ADGRL3: variants seen among roughly 807,000 people sequenced by gnomAD.
The protein encoded by ADGRL3 is adhesion G protein-coupled receptor L3.
A neutral mutation model predicts 153.5 loss-of-function variants in ADGRL3; 62 were observed. That is an observed-to-expected ratio of 0.40 (90% CI 0.33 to 0.50). The LOEUF (loss-of-function observed/expected upper bound fraction) is 0.50. Among genes scored for constraint, ADGRL3 ranks in the 20% least tolerant of loss-of-function variants. The pLI, the probability that ADGRL3 is intolerant of heterozygous loss-of-function variation, is 0.47. For synonymous variants in ADGRL3, 710 were observed against 672.5 expected (o/e 1.06, Z -0.86); for missense variants, 1,641 against 1,859.4 (o/e 0.88, Z 2.16).
intron 5 of ADGRL3, among the ~76,000 whole-genome samples, chr4:61,595,876 C>T (rs1219392471): frequency 6.6e-6 from 1 of 152,168 alleles, no homozygotes; most frequent in Non-Finnish European, 1.5e-5. Flanking sequence ...GGTCCAAATG[C>T]TCCCTTCTTG....
intron 8 of ADGRL3, among the ~76,000 whole-genome samples, chr4:61,749,101 A>G (rs2096715669): frequency 6.6e-6 from 1 of 152,140 alleles, no homozygotes; most frequent in Non-Finnish European, 1.5e-5. Flanking sequence ...CAAAAAACAC[A>G]TGAAAAAATG....
chr4:61,362,680 C>T (rs1351563039), intron 1 of ADGRL3, among the ~76,000 whole-genome samples: 1 of 152,042 alleles, frequency 6.6e-6, no homozygotes, highest in Non-Finnish European at 1.5e-5. Flanking sequence ...TTTTCAGCCT[C>T]GTCTTCACAT....
rs113076463 is a variant in ADGRL3, at chr4:61,227,168, A to T, written c.-240+25403A>T. ...TTGTCTTCATAAAAATGTCTGCAGA[A>T]GATGACTTGGAGGTTTTTTGTCATT... On this transcript the variant is annotated intron_variant, in intron 1 of 26. Coordinates refer to ENST00000683033, the MANE Select transcript of ADGRL3 (RefSeq NM_001387552.1). Among the ~76,000 whole-genome samples the T allele has an allele frequency of 3.0e-4, 45 of 152,324 alleles. 1 individual carries two copies. Among genetic ancestry groups the T allele is most frequent in the African/African-American group, 9.9e-4 (41 of 41,576 alleles).
At chr4:61,925,640 G>T (rs914695023) in intron 13 of ADGRL3, among the ~76,000 whole-genome samples, 1 of 152,080 alleles carries the variant, frequency 6.6e-6, no homozygotes, top group Non-Finnish European at 1.5e-5. Flanking sequence ...GCAAGAGAGA[G>T]AGAGTGGGGT....
chr4:61,997,797 C>T (rs2099126887), intron 20 of ADGRL3, among the ~76,000 whole-genome samples: 1 of 152,242 alleles, frequency 6.6e-6, no homozygotes, highest in Non-Finnish European at 1.5e-5. Context: ...GAAAATGTGT[C>T]ACTAAATAAT....
At chr4:61,591,385 TAC>T (rs796571461) in intron 5 of ADGRL3, among the ~76,000 whole-genome samples, 10 of 152,278 alleles carry the variant, frequency 6.6e-5, no homozygotes, top group African/African-American at 2.4e-4. Context: ...GCATGCCAAT[TAC>T]TGTTCATCCC....
At chr4:61,356,387 T>C (rs900303555) in intron 1 of ADGRL3, among the ~76,000 whole-genome samples, 11 of 152,052 alleles carry the variant, frequency 7.2e-5, no homozygotes, top group Non-Finnish European at 1.5e-4. Context: ...AATGGAACAC[T>C]GTTTTGTTAT....
At position 62,071,083 on chromosome 4, in the gene ADGRL3, G is replaced by T; in HGVS notation, c.*175G>T. ...AATGGGATTTTTAGGTCAGCCCAGG[G>T]GAGAAAGATAACTGCTAAAATTCCC... On this transcript the variant is annotated 3_prime_UTR_variant, in exon 27 of 27. Transcript: ENST00000683033. 2 of 571,740 alleles carry T rather than the reference G, an allele frequency of 3.5e-6. No homozygotes were observed. The highest frequency in any genetic ancestry group is 3.0e-6 in the Non-Finnish European group (1 of 332,058). The allele number at this position is 571,740 out of a possible 1,614,324, so 35.4% of individuals were successfully genotyped here. A position where few individuals can be genotyped will look rare whatever the true frequency, so the allele number is the denominator to read the frequency against.
chr4:61,260,691 A>G (rs1158504147), intron 1 of ADGRL3, among the ~76,000 whole-genome samples: 1 of 152,160 alleles, frequency 6.6e-6, no homozygotes, highest in Non-Finnish European at 1.5e-5. Context: ...GGAGCATTGT[A>G]ATCTTATGCA....
At chr4:61,508,797 A>C (rs533566035) in intron 3 of ADGRL3, among the ~76,000 whole-genome samples, 1 of 152,178 alleles carries the variant, frequency 6.6e-6, no homozygotes, top group East Asian at 1.9e-4. Flanking sequence ...GCTGCTGATA[A>C]AGACATTCCT....
At chr4:61,360,298 T>G (rs1285830944) in intron 1 of ADGRL3, among the ~76,000 whole-genome samples, 1 of 152,044 alleles carries the variant, frequency 6.6e-6, no homozygotes, top group African/African-American at 2.4e-5. Flanking sequence ...TTGTTAGAGG[T>G]AGGGGAACTA....
At chr4:61,749,089 G>C (rs1464409013) in intron 8 of ADGRL3, among the ~76,000 whole-genome samples, 5 of 152,008 alleles carry the variant, frequency 3.3e-5, no homozygotes, top group Non-Finnish European at 7.3e-5. Context: ...CATTTATGCT[G>C]CCAAAAAACA....
chr4:61,307,892 A>G (rs2094851808), intron 1 of ADGRL3, among the ~76,000 whole-genome samples: 1 of 152,142 alleles, frequency 6.6e-6, no homozygotes, highest in Non-Finnish European at 1.5e-5. Context: ...TCATTTCTCA[A>G]CTAATTGGAA....
chr4:61,364,498 TA>T (rs111824177), intron 1 of ADGRL3, among the ~76,000 whole-genome samples: 3 of 151,622 alleles, frequency 2.0e-5, no homozygotes, highest in South Asian at 2.1e-4. Context: ...CATTTTTTTT[TA>T]AAACAAAACA....
intron 3 of ADGRL3, among the ~76,000 whole-genome samples, chr4:61,510,165 T>G (rs188707812): frequency 6.6e-6 from 1 of 152,342 alleles, no homozygotes; most frequent in Admixed American, 6.5e-5. Context: ...ATTAGATGTT[T>G]GTCAGATGCA....
intron 17 of ADGRL3, among the ~76,000 whole-genome samples, chr4:61,967,260 A>G (rs1184481827): frequency 6.6e-6 from 1 of 152,118 alleles, no homozygotes; most frequent in Non-Finnish European, 1.5e-5. Context: ...TTTTAAGTAA[A>G]TATAAGAATT....
chr4:61,841,935 C>T (rs10021694), intron 9 of ADGRL3, among the ~76,000 whole-genome samples: 56,633 of 152,064 alleles, frequency 0.37, 13,461 homozygotes, highest in East Asian at 0.75. Flanking sequence ...TTGGCTTTAG[C>T]TGTCCTTAGT....
At chr4:61,709,904 T>A (rs1246265683) in intron 6 of ADGRL3, among the ~76,000 whole-genome samples, 1 of 152,178 alleles carries the variant, frequency 6.6e-6, no homozygotes, top group African/African-American at 2.4e-5. Context: ...TGCATCCAAC[T>A]TCTGGAAGGG....
At chr4:61,570,082 G>A (rs1344045129) in intron 4 of ADGRL3, among the ~76,000 whole-genome samples, 2 of 151,992 alleles carry the variant, frequency 1.3e-5, no homozygotes, top group Non-Finnish European at 2.9e-5. Context: ...TTTTCATTCA[G>A]GAACTTCATA....
Sources: allele counts gnomAD v4.1 joint callset (sites outside exome capture counted in the v4.1 genomes callset), GRCh38; gene constraint gnomAD v4.1.1; transcripts MANE v1.5; gene names NCBI Gene and HGNC (gene_info 2026-07-23, HGNC 2026-07-21).